Variants in FER1L6 observed in about 807,000 individuals in gnomAD.
FER1L6 encodes fer-1-like protein 6.
In FER1L6, 177 loss-of-function variants were observed where a neutral mutation model predicts 219.2. That is an observed-to-expected ratio of 0.81 (90% CI 0.71 to 0.91). FER1L6 has a LOEUF of 0.91. Ranked by LOEUF, FER1L6 falls within the 40% of genes least tolerant of loss-of-function variation. FER1L6 has a pLI of 0.00. For synonymous variants in FER1L6, 768 were observed against 824.3 expected (o/e 0.93, Z 1.17); for missense variants, 2,153 against 2,259.9 (o/e 0.95, Z 0.96).
At chr8:124,024,845 T>TAAAA (rs948818727) in intron 18 of FER1L6, among the ~76,000 whole-genome samples, 3 of 152,218 alleles carry the variant, frequency 2.0e-5, no homozygotes, top group Non-Finnish European at 4.4e-5. Flanking sequence ...CATTCCTTTT[T>TAAAA]AGCTGCATCC....
intron 39 of FER1L6, among the ~76,000 whole-genome samples, chr8:124,103,724 T>G (rs1242885098): frequency 6.6e-6 from 1 of 152,240 alleles, no homozygotes; most frequent in Non-Finnish European, 1.5e-5. Context: ...GTCCACTTCC[T>G]GCCAATGCAT....
chr8:123,919,093 G>C (rs2129817757), intron 1 of FER1L6, among the ~76,000 whole-genome samples: 1 of 152,284 alleles, frequency 6.6e-6, no homozygotes, highest in Non-Finnish European at 1.5e-5. Flanking sequence ...TAGGAGAGTG[G>C]GGACTTGAAG....
chr8:123,994,964 C>T (rs1331146625), intron 12 of FER1L6, among the ~76,000 whole-genome samples: 3 of 152,214 alleles, frequency 2.0e-5, no homozygotes, highest in Admixed American at 2.0e-4. Flanking sequence ...AGGTCTTCCT[C>T]CATGGCCTGG....
chr8:123,969,707 A>G (rs908650811), intron 5 of FER1L6, among the ~76,000 whole-genome samples: 2 of 150,120 alleles, frequency 1.3e-5, no homozygotes, highest in African/African-American at 4.9e-5. Flanking sequence ...CAAAAAATTT[A>G]AAAAAAAAAT....
At chr8:124,090,601 T>G (rs1821988303) in intron 33 of FER1L6, among the ~76,000 whole-genome samples, 1 of 152,224 alleles carries the variant, frequency 6.6e-6, no homozygotes, top group Non-Finnish European at 1.5e-5. Flanking sequence ...ATAGCTCCAT[T>G]TTATAAGCCA....
intron 13 of FER1L6, 88 bp downstream of exon 13, chr8:124,003,435 T>A: frequency 1.8e-5 from 6 of 329,148 alleles, no homozygotes; most frequent in Admixed American, 9.1e-5. Flanking sequence ...AGTTCTTCAC[T>A]AAAATCAGAA....
intron 1 of FER1L6, among the ~76,000 whole-genome samples, chr8:123,930,708 A>C (rs1363340038): frequency 6.6e-6 from 1 of 152,196 alleles, no homozygotes; most frequent in Admixed American, 6.5e-5. Flanking sequence ...GGATGACACT[A>C]GTGCCTGCTT....
intron 1 of FER1L6, among the ~76,000 whole-genome samples, chr8:123,899,075 C>G (rs1812814316): frequency 6.6e-6 from 1 of 152,054 alleles, no homozygotes; most frequent in African/African-American, 2.4e-5. Flanking sequence ...TTTAAGAAAT[C>G]TCCACACTGT....
chr8:124,021,792 C>T lies in FER1L6; in HGVS notation c.2133+123C>T, dbSNP rs138963018. 3,663 of 1,033,776 alleles carry T rather than the reference C, an allele frequency of 3.5e-3. 11 individuals are homozygous for T. Among genetic ancestry groups the T allele is most frequent in the Non-Finnish European group, 4.7e-3 (3,258 of 698,966 alleles). 64.0% of individuals were successfully genotyped at this position (1,033,776 alleles called of 1,614,324 possible). A position where few individuals can be genotyped will look rare whatever the true frequency, so the allele number is the denominator to read the frequency against. On this transcript the variant is annotated intron_variant, in intron 17 of 40. Transcript: ENST00000522917. ...TTTTCTCCCCAGCCCTAGTGGGCTA[C>T]GCAGGCACTCCTAGTTTAGAGAAGA...
At chr8:123,976,145 T>G in intron 9 of FER1L6, 61 bp downstream of exon 9, 8 of 1,273,772 alleles carry the variant, frequency 6.3e-6, no homozygotes, top group Non-Finnish European at 8.7e-6. Context: ...CTATCCAAGA[T>G]ATGTTTAATC....
chr8:124,032,042 G>A lies in FER1L6; in HGVS notation c.2287-3235G>A, dbSNP rs543479495. Among the ~76,000 whole-genome samples the A allele has an allele frequency of 1.2e-4, 18 of 152,288 alleles. No homozygotes were observed. In the East Asian group the frequency reaches 2.1e-3, roughly 18 times the overall value. On this transcript the variant is annotated intron_variant, in intron 18 of 40. Coordinates refer to ENST00000522917, the MANE Select transcript of FER1L6 (RefSeq NM_001039112.2). ...TCACAAGACATTAGCTGAGTCTTTC[G>A]TTTTAACCATGAGTTTAAACACCCA...
chr8:123,889,172 T>A (rs1243672863), intron 1 of FER1L6, among the ~76,000 whole-genome samples: 1 of 152,200 alleles, frequency 6.6e-6, no homozygotes. Flanking sequence ...ATGTTGTTGG[T>A]TTAATGAAAA....
In FER1L6 at chr8:123,979,736, A is replaced by G. The variant is rs16899171; in HGVS notation, c.1064-729A>G. On this transcript the variant is annotated intron_variant, in intron 10 of 40. Coordinates refer to ENST00000522917, the MANE Select transcript of FER1L6 (RefSeq NM_001039112.2). Reference sequence around the variant, plus strand: ...AAGACGCTGGTCTTCAGTTTTGATGATGAAGTGGTCCTTGAACCAGTTAGC... The same window carrying G: ...AAGACGCTGGTCTTCAGTTTTGATGGTGAAGTGGTCCTTGAACCAGTTAGC... Among the ~76,000 whole-genome samples the G allele has an allele frequency of 9.5e-3, 1,446 of 152,314 alleles. 22 individuals are homozygous for G. Among genetic ancestry groups the G allele is most frequent in the African/African-American group, 0.031 (1,298 of 41,576 alleles).
At chr8:123,910,080 C>A (rs1813025792) in intron 1 of FER1L6, among the ~76,000 whole-genome samples, 1 of 152,168 alleles carries the variant, frequency 6.6e-6, no homozygotes, top group Non-Finnish European at 1.5e-5. Context: ...ACAGCCCTTT[C>A]CAAGTAAAGT....
chr8:123,935,847 G>A (rs941415876), intron 1 of FER1L6, among the ~76,000 whole-genome samples: 1 of 151,816 alleles, frequency 6.6e-6, no homozygotes, highest in Non-Finnish European at 1.5e-5. Context: ...TTAATTTTTG[G>A]TGCTGTCATG....
intron 34 of FER1L6, among the ~76,000 whole-genome samples, chr8:124,093,790 TTTAA>T (rs1304772108): frequency 1.3e-5 from 2 of 151,628 alleles, no homozygotes; most frequent in African/African-American, 2.4e-5. Flanking sequence ...TTTTTATTAC[TTTAA>T]TTATTTTTAT....
Position 123,865,629 on chromosome 8 carries a change from C to T in FER1L6, c.-8+13444C>T, listed in dbSNP as rs1209468094. ...CTCAGACCGCTGTGCTAGCAATCAG[C>T]GAGATTCCGTGGGCGTAGGACCCTC... On this transcript the variant is annotated intron_variant, in intron 1 of 40. Transcript: ENST00000522917. Among the ~76,000 whole-genome samples, 9 of 151,190 alleles carry T rather than the reference C, an allele frequency of 6.0e-5. 1 individual carries two copies. The highest frequency in any genetic ancestry group is 1.0e-4 in the Non-Finnish European group (7 of 68,032).
rs1219580800 is a variant in FER1L6, at chr8:123,889,568, C to CA, written c.-8+37389dup. 2.0e-5 allele frequency among the ~76,000 whole-genome samples: 3 copies of CA among 151,138 alleles called. No individual in the cohort carries two copies. The South Asian group carries it at 6.3e-4, about 32-fold the overall frequency. ...CTGGGAATAAGAATTATAGTTAATA[C>CA]AAAAAAGAAAAAGAATAGAAATAAG... is the stretch of plus-strand genomic sequence containing the variant. On this transcript the variant is annotated intron_variant, in intron 1 of 40. Coordinates refer to ENST00000522917, the MANE Select transcript of FER1L6 (RefSeq NM_001039112.2).
At chr8:123,952,002 G>C (rs1181778484) in intron 1 of FER1L6, among the ~76,000 whole-genome samples, 1 of 152,254 alleles carries the variant, frequency 6.6e-6, no homozygotes, top group African/African-American at 2.4e-5. Context: ...GGTGACACAA[G>C]TGGGAGAACA....
Sources: allele counts gnomAD v4.1 joint callset (sites outside exome capture counted in the v4.1 genomes callset), GRCh38; gene constraint gnomAD v4.1.1; transcripts MANE v1.5; gene names NCBI Gene and HGNC (gene_info 2026-07-23, HGNC 2026-07-21).